The following CAB39 variants were observed in gnomAD, a reference collection of about 807,000 sequenced individuals.
The protein encoded by CAB39 is calcium binding protein 39, also known as calcium-binding protein 39.
Under a neutral mutation model 40.0 loss-of-function variants are expected in CAB39, and 8 were observed. The ratio of observed to expected loss-of-function variants is 0.20; its 90% CI spans 0.12 to 0.36. CAB39 has a LOEUF of 0.36. Among genes scored for constraint, CAB39 ranks in the 10% least tolerant of loss-of-function variants. The pLI is 1.00. For missense variants in CAB39, 270 were observed against 401.1 expected, an observed-to-expected ratio of 0.67 and a Z score of 2.79; for synonymous variants, 156 against 141.6, an observed-to-expected ratio of 1.10 and a Z score of -0.72.
chr2:230,755,554 A>G (rs867458798), intron 1 of CAB39, among the ~76,000 whole-genome samples: 35 of 152,212 alleles, frequency 2.3e-4, no homozygotes, highest in Admixed American at 5.2e-4. Flanking sequence ...CCTTTGTCAG[A>G]TGTATAGATT....
chr2:230,777,494 A>G (rs944033243), intron 2 of CAB39, among the ~76,000 whole-genome samples: 1 of 150,156 alleles, frequency 6.7e-6, no homozygotes, highest in Non-Finnish European at 1.5e-5. Context: ...ATCTCAGCTC[A>G]CTGCAACTTC....
At chr2:230,721,988 G>C (rs971162510) in intron 1 of CAB39, among the ~76,000 whole-genome samples, 4 of 151,424 alleles carry the variant, frequency 2.6e-5, no homozygotes, top group African/African-American at 9.7e-5. Context: ...TACTAATTCG[G>C]ATGATAATTT....
In CAB39 at chr2:230,748,855, T is replaced by A. The variant is rs1411073552; in HGVS notation, c.-43-11104T>A. 6.4e-4 allele frequency among the ~76,000 whole-genome samples: 72 copies of A among 111,860 alleles called. 7 individuals carry two copies. The highest frequency in any genetic ancestry group is 1.3e-3 in the East Asian group (5 of 3,838). 73.4% of individuals were successfully genotyped at this position (111,860 alleles called of 152,430 possible). On this transcript the variant is annotated intron_variant, in intron 1 of 8. Coordinates refer to ENST00000258418, the MANE Select transcript of CAB39 (RefSeq NM_016289.4). ...AAATATATATATATATATATATATA[T>A]ATATATATATATAACAAAATGGTAA...
intron 2 of CAB39, among the ~76,000 whole-genome samples, chr2:230,782,634 A>G (rs1466501275): frequency 6.6e-6 from 1 of 152,076 alleles, no homozygotes; most frequent in Non-Finnish European, 1.5e-5. Flanking sequence ...ACCATAGGGA[A>G]TTACGTTGTA....
chr2:230,748,369 G>C (rs2124901169), intron 1 of CAB39, among the ~76,000 whole-genome samples: 1 of 152,276 alleles, frequency 6.6e-6, no homozygotes, highest in Non-Finnish European at 1.5e-5. Context: ...TGTATCATGA[G>C]TCACACTGGT....
intron 7 of CAB39, among the ~76,000 whole-genome samples, chr2:230,815,850 C>T (rs141083704): frequency 5.9e-5 from 9 of 152,302 alleles, no homozygotes; most frequent in African/African-American, 1.2e-4. Flanking sequence ...CAGCACCAGC[C>T]GTACTTTAAA....
At chr2:230,775,839 C>T (rs1695575845) in intron 2 of CAB39, among the ~76,000 whole-genome samples, 1 of 152,024 alleles carries the variant, frequency 6.6e-6, no homozygotes, top group Non-Finnish European at 1.5e-5. Flanking sequence ...CAAACCTTGT[C>T]CCCGTTCTTA....
At chr2:230,781,471 A>G (rs967376571) in intron 2 of CAB39, among the ~76,000 whole-genome samples, 3 of 152,214 alleles carry the variant, frequency 2.0e-5, no homozygotes, top group Admixed American at 1.3e-4. Context: ...TGGGAGCTCA[A>G]GTAGAGAAAG....
chr2:230,736,526 G>A (rs1315649792), intron 1 of CAB39, among the ~76,000 whole-genome samples: 1 of 152,202 alleles, frequency 6.6e-6, no homozygotes, highest in Non-Finnish European at 1.5e-5. Context: ...TTGGCTTTGA[G>A]TTTTGAGTAG....
rs890982836 is a variant in CAB39, at chr2:230,795,533, G to A, written c.398+2202G>A. ...TTAGATTCGGATTCACTTTGAGGGG[G>A]GCAAAAGTTCATGGATGGTGCTGTG... On this transcript the variant is annotated intron_variant, in intron 4 of 8. Coordinates refer to ENST00000258418, the MANE Select transcript of CAB39 (RefSeq NM_016289.4). Among the ~76,000 whole-genome samples, 5 of 152,084 alleles carry A rather than the reference G, an allele frequency of 3.3e-5. No homozygotes were observed. In the South Asian group the frequency reaches 6.2e-4, roughly 19 times the overall value.
chr2:230,764,658 A>G (rs1695352976), intron 2 of CAB39, among the ~76,000 whole-genome samples: 1 of 152,232 alleles, frequency 6.6e-6, no homozygotes, highest in Admixed American at 6.5e-5. Context: ...AAATTTCAGA[A>G]TTCAGATTTG....
intron 1 of CAB39, among the ~76,000 whole-genome samples, chr2:230,751,475 T>C (rs558860672): frequency 3.2e-4 from 49 of 152,334 alleles, no homozygotes; most frequent in Non-Finnish European, 6.5e-4. Flanking sequence ...TATGGACCTT[T>C]TGAGTTCTTT....
At chr2:230,719,960 A>C (rs1035753544) in intron 1 of CAB39, among the ~76,000 whole-genome samples, 8 of 152,278 alleles carry the variant, frequency 5.3e-5, no homozygotes, top group Admixed American at 1.3e-4. Context: ...ACAGTACTGA[A>C]GTTCTCTGCT....
chr2:230,810,307 A>T lies in CAB39; in HGVS notation c.612A>T (p.Glu204Asp). Residue 204 changes from glutamate (E) to aspartate (D), a missense_variant, in exon 6 of 9, where the codon GAA (glutamate) becomes GAT (aspartate). By Grantham distance (45) the Glu-to-Asp change is conservative (BLOSUM62 2). Transcript: ENST00000258418. ...AATTGCTCAGTGCAGAATTTTTGGA[A>T]CAGCATTATGATAGAGTAAGTATAT... is the stretch of plus-strand genomic sequence containing the variant. ...RHKLLSAEFLEQHYDRFFSEY... is the reference protein window; with the variant it reads ...RHKLLSAEFLDQHYDRFFSEY... 1 of 1,392,328 alleles carries T rather than the reference A, an allele frequency of 7.2e-7. No homozygotes were observed. The highest frequency in any genetic ancestry group is 2.4e-5 in the East Asian group (1 of 41,886). 86.2% of individuals were successfully genotyped at this position (1,392,328 alleles called of 1,614,324 possible).
At chr2:230,782,616 T>A (rs1304812474) in intron 2 of CAB39, among the ~76,000 whole-genome samples, 1 of 152,116 alleles carries the variant, frequency 6.6e-6, no homozygotes, top group East Asian at 1.9e-4. Flanking sequence ...GAGTATTTTC[T>A]CTGTGAGACC....
At chr2:230,759,090 C>T (rs1246515910) in intron 1 of CAB39, among the ~76,000 whole-genome samples, 1 of 152,130 alleles carries the variant, frequency 6.6e-6, no homozygotes, top group Non-Finnish European at 1.5e-5. Flanking sequence ...AGTTCATCAT[C>T]CTCAGGGTTT....
chr2:230,758,794 A>G, intron 1 of CAB39, among the ~76,000 whole-genome samples: 1 of 152,204 alleles, frequency 6.6e-6, no homozygotes, highest in East Asian at 1.9e-4. Context: ...TCAGAAAACC[A>G]CTGATCTAAG....
intron 7 of CAB39, among the ~76,000 whole-genome samples, chr2:230,816,651 A>G (rs1423149684): frequency 1.3e-5 from 2 of 152,228 alleles, no homozygotes. Context: ...AAAGCCACAG[A>G]GCCGCTATTT....
chr2:230,726,834 G>A (rs748979224), intron 1 of CAB39, among the ~76,000 whole-genome samples: 71 of 151,450 alleles, frequency 4.7e-4, no homozygotes, highest in Non-Finnish European at 7.9e-4. Flanking sequence ...AGGGAGGGGC[G>A]GGGAATGTTT....
Sources: allele counts gnomAD v4.1 joint callset (sites outside exome capture counted in the v4.1 genomes callset), GRCh38; gene constraint gnomAD v4.1.1; transcripts MANE v1.5; gene names NCBI Gene and HGNC (gene_info 2026-07-23, HGNC 2026-07-21).